Variants in RFX6 observed in about 807,000 individuals in gnomAD.
RFX6 encodes the protein regulatory factor X6.
A neutral mutation model predicts 110.8 loss-of-function variants in RFX6; 50 were observed. The ratio of observed to expected loss-of-function variants is 0.45; its 90% confidence interval spans 0.36 to 0.57. RFX6 has a LOEUF of 0.57. Ranked by LOEUF, RFX6 falls within the 20% of genes least tolerant of loss-of-function variation. The pLI is 0.00. For missense variants in RFX6, 990 were observed against 1,127.0 expected (o/e 0.88, Z 1.74); for synonymous variants, 383 against 411.2 (o/e 0.93, Z 0.83).
At chr6:116,927,614 C>A in intron 17 of RFX6, 75 bp downstream of exon 17, 1 of 1,191,456 alleles carries the variant, frequency 8.4e-7, no homozygotes, top group Non-Finnish European at 1.2e-6. Context: ...CGTTCCACCT[C>A]TGCTGACTAG....
intron 13 of RFX6, 140 bp downstream of exon 13, chr6:116,922,291 T>C: frequency 1.5e-6 from 1 of 672,564 alleles, no homozygotes; most frequent in Non-Finnish European, 2.7e-6. Flanking sequence ...GCTCTACGAA[T>C]AAGGCAGGCC....
At position 116,887,289 on chromosome 6, in the gene RFX6, C is replaced by T. The variant is rs549554019; in HGVS notation, c.566+4861C>T. Among the ~76,000 whole-genome samples, 6 of 152,126 alleles carry T rather than the reference C, an allele frequency of 3.9e-5. No homozygotes were observed. The East Asian group carries it at 5.8e-4, about 15-fold the overall frequency. ...AAGATGAACATGAGGGGTCAGGAAG[C>T]GTCACTCTAGGGCACCTAACAAGTG... is the stretch of plus-strand genomic sequence containing the variant. On this transcript the variant is annotated intron_variant, in intron 4 of 18. Coordinates refer to ENST00000332958, the MANE Select transcript of RFX6 (RefSeq NM_173560.4).
intron 5 of RFX6, among the ~76,000 whole-genome samples, chr6:116,894,572 A>G (rs1017771675): frequency 1.3e-5 from 2 of 152,128 alleles, no homozygotes; most frequent in African/African-American, 4.8e-5. Context: ...GTAAAACATG[A>G]ATGAAAATAA....
chr6:116,888,228 A>C (rs931068180), intron 4 of RFX6, among the ~76,000 whole-genome samples: 2 of 152,224 alleles, frequency 1.3e-5, no homozygotes, highest in African/African-American at 4.8e-5. Flanking sequence ...GAAAAGAAGA[A>C]ATATAGATGC....
chr6:116,912,878 G>A (rs983635085), intron 7 of RFX6, among the ~76,000 whole-genome samples: 5 of 152,076 alleles, frequency 3.3e-5, no homozygotes, highest in Admixed American at 2.0e-4. Context: ...GTATCAAGGT[G>A]CTTTTATAAC....
chr6:116,885,659 A>G lies in RFX6; in HGVS notation c.566+3231A>G, dbSNP rs913420745. On this transcript the variant is annotated intron_variant, in intron 4 of 18. Transcript: ENST00000332958. Reference sequence around the variant, plus strand: ...GCCTACTACTTTTTTTCCAATATCAATCGTATCAACAAATAATTATTCAAT... The same window carrying G: ...GCCTACTACTTTTTTTCCAATATCAGTCGTATCAACAAATAATTATTCAAT... 1.1e-4 allele frequency among the ~76,000 whole-genome samples: 16 copies of G among 152,250 alleles called. No individual in the cohort carries two copies. The East Asian group carries it at 1.7e-3, about 17-fold the overall frequency.
At chr6:116,891,560 ATC>A (rs1387747321) in intron 4 of RFX6, among the ~76,000 whole-genome samples, 8 of 152,190 alleles carry the variant, frequency 5.3e-5, no homozygotes, top group African/African-American at 1.4e-4. Flanking sequence ...ATTCTAATGG[ATC>A]TCTGTTTTCA....
intron 6 of RFX6, among the ~76,000 whole-genome samples, chr6:116,909,257 T>C (rs946780694): frequency 6.6e-5 from 10 of 152,104 alleles, no homozygotes; most frequent in South Asian, 6.2e-4. Flanking sequence ...AAATCACATA[T>C]TGAGATGAAT....
chr6:116,916,457 AT>A, intron 9 of RFX6, 143 bp downstream of exon 9: 2 of 674,816 alleles, frequency 3.0e-6, no homozygotes, highest in Non-Finnish European at 2.7e-6. Context: ...AAAGCAAGCA[AT>A]TTAATAGTGC....
intron 7 of RFX6, among the ~76,000 whole-genome samples, chr6:116,914,546 G>A (rs928329643): frequency 1.3e-5 from 2 of 152,078 alleles, no homozygotes; most frequent in East Asian, 3.8e-4. Context: ...AAATATAATA[G>A]CATTGCCTGA....
chr6:116,911,131 C>A, intron 7 of RFX6, 89 bp downstream of exon 7: 1 of 922,390 alleles, frequency 1.1e-6, no homozygotes, highest in Non-Finnish European at 1.8e-6. Context: ...CTGCAGGAAG[C>A]AATCAGAAAT....
chr6:116,930,580 G>T lies in RFX6; in HGVS notation c.2612-751G>T, dbSNP rs1048267891. On this transcript the variant is annotated intron_variant, in intron 18 of 18. Coordinates refer to ENST00000332958, the MANE Select transcript of RFX6 (RefSeq NM_173560.4). ...GACAGTAAAGGAGGAGCTGCTTTCG[G>T]TAGGACAGCTGAGAAAGGAATCCTG... 1.3e-4 allele frequency among the ~76,000 whole-genome samples: 20 copies of T among 152,156 alleles called. 1 individual carries two copies. The highest frequency in any genetic ancestry group is 4.8e-4 in the African/African-American group (20 of 41,454).
intron 4 of RFX6, among the ~76,000 whole-genome samples, chr6:116,892,991 G>C (rs1341629471): frequency 6.6e-6 from 1 of 152,080 alleles, no homozygotes; most frequent in Non-Finnish European, 1.5e-5. Context: ...CAGTTTAAAG[G>C]ATCCACTTTA....
intron 6 of RFX6, among the ~76,000 whole-genome samples, chr6:116,898,638 T>C (rs1232629193): frequency 2.0e-5 from 3 of 152,110 alleles, no homozygotes; most frequent in Admixed American, 6.5e-5. Flanking sequence ...TGTAGAGGAA[T>C]TGGCCCTAGA....
chr6:116,914,997 C>G (rs894585833), intron 7 of RFX6, among the ~76,000 whole-genome samples: 6 of 152,140 alleles, frequency 3.9e-5, no homozygotes, highest in African/African-American at 1.4e-4. Flanking sequence ...CAAATTAGAG[C>G]TGCGATTGAA....
chr6:116,930,766 A>G (rs998794399), intron 18 of RFX6, among the ~76,000 whole-genome samples: 5 of 152,160 alleles, frequency 3.3e-5, no homozygotes, highest in Non-Finnish European at 7.3e-5. Context: ...AGTGTGTCTT[A>G]AGCATGTTGA....
At chr6:116,923,376 G>T in intron 14 of RFX6, 152 bp downstream of exon 14, 1 of 648,332 alleles carries the variant, frequency 1.5e-6, no homozygotes. Flanking sequence ...TATGAGCCTG[G>T]GTTTTGGAGT....
intron 6 of RFX6, among the ~76,000 whole-genome samples, chr6:116,907,958 G>T (rs1219601026): frequency 2.0e-5 from 3 of 151,956 alleles, no homozygotes; most frequent in African/African-American, 7.2e-5. Flanking sequence ...TACATAAAGG[G>T]TTATGATTAT....
rs558402262 is a variant in RFX6, at chr6:116,931,538, T to TA, written c.*40dup. The stretch of plus-strand genomic sequence containing the variant: ...AATGTGGGAGGGGGTGCTAAAACTT[T>TA]AAAAAAAATCTCTACTGTGCAAATA... On this transcript the variant is annotated 3_prime_UTR_variant, in exon 19 of 19. Transcript: ENST00000332958. The TA allele has an allele frequency of 3.6e-5, 55 of 1,519,500 alleles. No homozygotes were observed. Among genetic ancestry groups the TA allele is most frequent in the Middle Eastern group, 1.7e-4 (1 of 5,828 alleles). The allele number at this position is 1,519,500 out of a possible 1,614,324, so 94.1% of individuals were successfully genotyped here. A position where few individuals can be genotyped will look rare whatever the true frequency, so the allele number is the denominator to read the frequency against.
Sources: allele counts gnomAD v4.1 joint callset (sites outside exome capture counted in the v4.1 genomes callset), GRCh38; gene constraint gnomAD v4.1.1; transcripts MANE v1.5; gene names NCBI Gene and HGNC (gene_info 2026-07-23, HGNC 2026-07-21).